PCDHGA3: variants seen among roughly 807,000 people sequenced by gnomAD.
PCDHGA3 encodes protocadherin gamma-A3.
Under a neutral mutation model 58.5 loss-of-function variants are expected in PCDHGA3, and 40 were observed. That is an observed-to-expected ratio of 0.68 (90% CI 0.53 to 0.89). The LOEUF is 0.89. Ranked by LOEUF, PCDHGA3 falls within the 40% of genes least tolerant of loss-of-function variation. The pLI, the probability that PCDHGA3 is intolerant of heterozygous loss-of-function variation, is 0.00. For synonymous variants in PCDHGA3, 530 were observed against 525.7 expected (o/e 1.01, Z -0.11); for missense variants, 1,223 against 1,195.9 (o/e 1.02, Z -0.33).
chr5:141,501,475 G>A (rs1305778190), intron 2 of PCDHGA3, among the ~76,000 whole-genome samples: 5 of 152,014 alleles, frequency 3.3e-5, no homozygotes, highest in Admixed American at 3.3e-4. Flanking sequence ...AATCCTGGAA[G>A]AGTCCCTCAT....
chr5:141,366,646 G>A (rs1219321287), intron 1 of PCDHGA3: 1 of 1,614,248 alleles, frequency 6.2e-7, no homozygotes, highest in Non-Finnish European at 8.5e-7. Flanking sequence ...TCTTTCCCCA[G>A]CCCAACTACG....
chr5:141,373,632 T>C (rs1769740569), intron 1 of PCDHGA3, among the ~76,000 whole-genome samples: 1 of 152,264 alleles, frequency 6.6e-6, no homozygotes, highest in African/African-American at 2.4e-5. Context: ...ATATTATTTC[T>C]GTTCCCCAAG....
intron 3 of PCDHGA3, among the ~76,000 whole-genome samples, chr5:141,508,848 TC>T (rs1390332366): frequency 6.6e-5 from 10 of 151,752 alleles, no homozygotes. Context: ...CCCCTTCCAT[TC>T]CCAGGCTGGG....
rs370361048 is a variant in PCDHGA3, at chr5:141,361,546, A to G, written c.2424+15089A>G. 2.4e-5 allele frequency: 38 copies of G among 1,613,904 alleles called. No individual in the cohort carries two copies. Among genetic ancestry groups the G allele is most frequent in the South Asian group, 2.3e-4 (21 of 91,088 alleles). On this transcript the variant is annotated intron_variant, in intron 1 of 3. Transcript: ENST00000253812. ...AGAGAACAATCCTCCTGGCGCCTCT[A>G]TCGCTCAAATCAGTGCCTCTGACCC...
intron 1 of PCDHGA3, among the ~76,000 whole-genome samples, chr5:141,435,921 C>T (rs767290430): frequency 1.3e-5 from 2 of 152,186 alleles, no homozygotes; most frequent in Admixed American, 6.5e-5. Context: ...CTCTAAAATG[C>T]GGCAGTTGCT....
In PCDHGA3 at chr5:141,511,360, T is replaced by C; in HGVS notation, c.*187T>C. The C allele has an allele frequency of 7.5e-7, 1 of 1,333,050 alleles. No individual in the cohort carries two copies. Among genetic ancestry groups the C allele is most frequent in the Non-Finnish European group, 1.0e-6 (1 of 994,882 alleles). 82.6% of individuals were successfully genotyped at this position (1,333,050 alleles called of 1,614,324 possible). On this transcript the variant is annotated 3_prime_UTR_variant, in exon 4 of 4. Transcript: ENST00000253812. ...ACCTACCCCTTCCCCCCCAGGGGGT[T>C]GAATATGCAAAAGCAGTTCCGCTGG...
At chr5:141,376,830 G>A (rs1343049579) in intron 1 of PCDHGA3, 1 of 266,580 alleles carries the variant, frequency 3.8e-6, no homozygotes, top group Non-Finnish European at 7.1e-6. Flanking sequence ...GGGACTACAG[G>A]CGCCCGCCAC....
chr5:141,467,811 A>T (rs562932160), intron 1 of PCDHGA3, among the ~76,000 whole-genome samples: 1 of 152,164 alleles, frequency 6.6e-6, no homozygotes, highest in African/African-American at 2.4e-5. Flanking sequence ...GGCACATGCC[A>T]CCACACCAGG....
chr5:141,455,725 C>T (rs1001661569), intron 1 of PCDHGA3, among the ~76,000 whole-genome samples: 4 of 152,136 alleles, frequency 2.6e-5, no homozygotes, highest in South Asian at 2.1e-4. Context: ...TAATGGCCTG[C>T]ATTTGCATAT....
At chr5:141,423,192 C>T in intron 1 of PCDHGA3, 2 of 1,613,622 alleles carry the variant, frequency 1.2e-6, no homozygotes, top group African/African-American at 2.7e-5. Context: ...AGCCCCCTCT[C>T]TCGGCCACCG....
At position 141,365,950 on chromosome 5, in the gene PCDHGA3, T is replaced by C. The variant is rs376201402; in HGVS notation, c.2424+19493T>C. On this transcript the variant is annotated intron_variant, in intron 1 of 3. Coordinates refer to ENST00000253812, the MANE Select transcript of PCDHGA3 (RefSeq NM_018916.4). Reference sequence around the variant, plus strand: ...TGACAGCCAGCGACAGTGGGAACCCTCCACTTAGCAGCAACGTGTCGCTGA... The same window carrying C: ...TGACAGCCAGCGACAGTGGGAACCCCCCACTTAGCAGCAACGTGTCGCTGA... The C allele has an allele frequency of 2.5e-6, 4 of 1,614,078 alleles. No individual in the cohort carries two copies. In the African/African-American group the frequency reaches 5.3e-5, roughly 22 times the overall value.
At chr5:141,386,834 G>A (rs1253552836) in intron 1 of PCDHGA3, among the ~76,000 whole-genome samples, 1 of 152,192 alleles carries the variant, frequency 6.6e-6, no homozygotes, top group East Asian at 1.9e-4. Context: ...GCAATGGAGA[G>A]ACATAATCAC....
chr5:141,510,222 G>A (rs891688596), intron 3 of PCDHGA3, among the ~76,000 whole-genome samples: 3 of 151,498 alleles, frequency 2.0e-5, no homozygotes, highest in Admixed American at 6.6e-5. Context: ...GCAGTGAGCC[G>A]GGATCGCGCC....
intron 1 of PCDHGA3, chr5:141,405,379 G>T: frequency 1.2e-6 from 2 of 1,606,832 alleles, no homozygotes; most frequent in Non-Finnish European, 1.7e-6. Flanking sequence ...TGGTTCCGGT[G>T]AGTTCATTTT....
intron 1 of PCDHGA3, chr5:141,410,091 G>A: frequency 8.7e-6 from 14 of 1,612,518 alleles, no homozygotes; most frequent in African/African-American, 1.3e-5. Flanking sequence ...CGCACGGCTC[G>A]AGCCTTAGGC....
chr5:141,451,523 A>G (rs1035983001), intron 1 of PCDHGA3, among the ~76,000 whole-genome samples: 1 of 152,200 alleles, frequency 6.6e-6, no homozygotes, highest in African/African-American at 2.4e-5. Flanking sequence ...AGAGCAAGTA[A>G]AGGAGAGTGC....
Position 141,346,170 on chromosome 5 carries a change from G to C in PCDHGA3, c.2137G>C (p.Ala713Pro). The change falls in exon 1 of 4, where the codon GCG (alanine) becomes CCG (proline). Residue 713 changes from alanine (A) to proline (P), a missense_variant. Transcript: ENST00000253812. The part of the protein sequence containing the change: ...VFLAFVIVLL[A>P]LRLRRWHKSR... ...CCTGGCCTTCGTCATCGTGCTGCTGGCGCTCAGGCTGCGGCGCTGGCACAA... is the reference window on the plus strand; with the variant it reads ...CCTGGCCTTCGTCATCGTGCTGCTGCCGCTCAGGCTGCGGCGCTGGCACAA... The C allele has an allele frequency of 6.2e-7, 1 of 1,614,062 alleles. No homozygotes were observed. The highest frequency in any genetic ancestry group is 8.5e-7 in the Non-Finnish European group (1 of 1,179,942).
At chr5:141,467,344 C>A (rs2099142230) in intron 1 of PCDHGA3, among the ~76,000 whole-genome samples, 1 of 152,122 alleles carries the variant, frequency 6.6e-6, no homozygotes, top group South Asian at 2.1e-4. Flanking sequence ...TAAGCCACTG[C>A]CCCCGGCCAA....
intron 1 of PCDHGA3, chr5:141,423,623 C>T (rs1391650851): frequency 6.2e-7 from 1 of 1,607,330 alleles, no homozygotes; most frequent in South Asian, 1.1e-5. Context: ...GAAGACTCAG[C>T]TATCATTTTA....
Sources: allele counts gnomAD v4.1 joint callset (sites outside exome capture counted in the v4.1 genomes callset), GRCh38; gene constraint gnomAD v4.1.1; transcripts MANE v1.5; gene names NCBI Gene and HGNC (gene_info 2026-07-23, HGNC 2026-07-21).